Variants in INSL6 observed in about 807,000 individuals in gnomAD.
The protein encoded by INSL6 is insulin like 6, also known as insulin-like peptide INSL6.
Under a neutral mutation model 9.4 loss-of-function variants are expected in INSL6, and 16 were observed. The ratio of observed to expected loss-of-function variants is 1.70; its 90% CI spans 1.15 to 2.59. The LOEUF (loss-of-function observed/expected upper bound fraction) is 2.59, where lower values mean the gene tolerates loss of function less well. INSL6 is among the 30% of genes most tolerant of loss of function. The pLI is 0.00. For missense variants in INSL6, 391 were observed against 257.3 expected (o/e 1.52, Z -3.56); for synonymous variants, 154 against 96.9 (o/e 1.59, Z -3.46).
chr9:5,152,772 G>A (rs1385605688), intron 2 of INSL6, among the ~76,000 whole-genome samples: 2 of 152,214 alleles, frequency 1.3e-5, no homozygotes, highest in Non-Finnish European at 2.9e-5. Context: ...TGGCCAAACA[G>A]GAACAGCTCC....
At chr9:5,075,060 A>T in the INSL6 span, among the ~76,000 whole-genome samples, 1 of 152,010 alleles carries the variant, frequency 6.6e-6, no homozygotes, top group African/African-American at 2.4e-5. Context: ...GCCAAAGCCC[A>T]ATCTAGAGCA....
chr9:5,068,177 A>C, the INSL6 span, among the ~76,000 whole-genome samples: 1,680 of 71,142 alleles, frequency 0.024, 16 homozygotes, highest in East Asian at 0.059. Context: ...ACAACAACAA[A>C]AAAAAAAAAA....
the INSL6 span, among the ~76,000 whole-genome samples, chr9:5,093,559 T>C: frequency 6.6e-6 from 1 of 152,084 alleles, no homozygotes; most frequent in South Asian, 2.1e-4. Flanking sequence ...TTAATGCAAA[T>C]AAAAACTCAA....
At chr9:5,089,487 G>A in the INSL6 span, among the ~76,000 whole-genome samples, 1 of 136,810 alleles carries the variant, frequency 7.3e-6, no homozygotes. Flanking sequence ...GCAGTGAGCC[G>A]AGATCGTGCC....
the INSL6 span, chr9:5,085,889 C>T: frequency 6.1e-6 from 5 of 815,804 alleles, no homozygotes; most frequent in South Asian, 2.7e-5. Context: ...TTGATATGAG[C>T]GGTTCCTTTC....
the INSL6 span, among the ~76,000 whole-genome samples, chr9:5,045,319 C>T: frequency 6.6e-5 from 10 of 152,056 alleles, no homozygotes; most frequent in Non-Finnish European, 1.3e-4. Flanking sequence ...TGAGAGGAAG[C>T]CTAGTAAGCC....
chr9:5,062,415 T>C, the INSL6 span, among the ~76,000 whole-genome samples: 3 of 141,664 alleles, frequency 2.1e-5, no homozygotes, highest in Non-Finnish European at 3.0e-5. Context: ...ACATGACACA[T>C]AGGAAGTAAG....
At chr9:4,995,956 G>C in the INSL6 span, among the ~76,000 whole-genome samples, 4 of 151,934 alleles carry the variant, frequency 2.6e-5, no homozygotes, top group African/African-American at 7.3e-5. Flanking sequence ...GCCTCAAATT[G>C]TTAAAAATTC....
chr9:5,073,804 T>A, the INSL6 span: 1 of 1,443,454 alleles, frequency 6.9e-7, no homozygotes, highest in Non-Finnish European at 9.7e-7. Flanking sequence ...AACTACAGGC[T>A]TTCTAATGCC....
At chr9:5,140,843 T>C (rs1003409692) in intron 2 of INSL6, among the ~76,000 whole-genome samples, 4 of 151,970 alleles carry the variant, frequency 2.6e-5, no homozygotes, top group African/African-American at 9.7e-5. Context: ...TTATTTTTTC[T>C]GGTCTTCTCC....
At chr9:5,137,446 AG>A (rs1277433008) in intron 2 of INSL6, among the ~76,000 whole-genome samples, 1 of 152,234 alleles carries the variant, frequency 6.6e-6, no homozygotes, top group Non-Finnish European at 1.5e-5. Context: ...AACAGAACAG[AG>A]GCCTCACAAA....
chr9:5,034,768 G>C, the INSL6 span, among the ~76,000 whole-genome samples: 1 of 151,754 alleles, frequency 6.6e-6, no homozygotes, highest in Non-Finnish European at 1.5e-5. Context: ...TAGCACTAAA[G>C]GCCCACAAGA....
chr9:5,030,012 A>G, the INSL6 span: 2 of 870,570 alleles, frequency 2.3e-6, no homozygotes, highest in Non-Finnish European at 3.5e-6. Context: ...ACCTGAACCA[A>G]TTAGTTAGCA....
the INSL6 span, among the ~76,000 whole-genome samples, chr9:4,998,247 T>C: frequency 1.4e-4 from 21 of 152,054 alleles, no homozygotes; most frequent in Non-Finnish European, 2.4e-4. Context: ...GAAAAAAAAC[T>C]CCAACGGGTT....
Position 5,126,121 on chromosome 9 carries a change from G to C in INSL6, c.*11-1610C>G, listed in dbSNP as rs569383174. ...GAGCCCTCCTCAGGGGATTTGTGTT[G>C]AGTTTATTACAGCTATGGAAATGGA... On this transcript the variant is annotated intron_variant, in intron 3 of 3. Transcript: ENST00000649639. The C allele has an allele frequency of 4.8e-5, 20 of 420,206 alleles. No homozygotes were observed. In the South Asian group the frequency reaches 8.4e-4, roughly 18 times the overall value. The allele number at this position is 420,206 out of a possible 1,614,324, so 26.0% of individuals were successfully genotyped here.
At chr9:5,114,678 G>A in the INSL6 span, 1 of 430,030 alleles carries the variant, frequency 2.3e-6, no homozygotes, top group South Asian at 1.8e-5. Flanking sequence ...TGGCGTCTTA[G>A]TCTTCAGCTG....
At chr9:5,077,478 A>C in the INSL6 span, 1 of 1,284,578 alleles carries the variant, frequency 7.8e-7, no homozygotes, top group South Asian at 1.8e-5. Flanking sequence ...AGTTTGTAAA[A>C]TTTGGATCAC....
the INSL6 span, among the ~76,000 whole-genome samples, chr9:5,107,513 T>C: frequency 2.0e-5 from 3 of 152,178 alleles, no homozygotes; most frequent in Non-Finnish European, 2.9e-5. Context: ...CTAGTTATCA[T>C]TTTAATCCTA....
intron 2 of INSL6, among the ~76,000 whole-genome samples, chr9:5,135,630 G>C (rs1410922522): frequency 6.6e-6 from 1 of 152,188 alleles, no homozygotes; most frequent in Non-Finnish European, 1.5e-5. Context: ...GCAGTGTGTA[G>C]AGGGAAATTT....
Sources: gnomAD v4.1 joint callset for allele counts (sites outside exome capture counted in the v4.1 genomes callset) on GRCh38, gnomAD v4.1.1 for gene constraint, MANE v1.5 for transcripts, NCBI Gene and HGNC (gene_info 2026-07-23, HGNC 2026-07-21) for gene names.